Variants in DPP6 observed in about 807,000 individuals in gnomAD.
The protein encoded by DPP6 is A-type potassium channel modulatory protein DPP6.
A neutral mutation model predicts 122.6 loss-of-function variants in DPP6; 69 were observed. That is an observed-to-expected ratio of 0.56 (90% CI 0.46 to 0.69). DPP6 has a LOEUF of 0.69. Ranked by LOEUF, DPP6 falls within the 30% of genes least tolerant of loss-of-function variation. The pLI is 0.00. For missense variants in DPP6, 928 were observed against 1,116.9 expected (o/e 0.83, Z 2.41); for synonymous variants, 418 against 433.1 (o/e 0.97, Z 0.43).
intron 7 of DPP6, among the ~76,000 whole-genome samples, chr7:154,698,807 G>A (rs926449762): frequency 1.3e-5 from 2 of 152,200 alleles, no homozygotes; most frequent in East Asian, 1.9e-4. Context: ...AGTCTCAGGC[G>A]TAGCGGAGCC....
intron 1 of DPP6, among the ~76,000 whole-genome samples, chr7:154,022,328 C>T (rs1477104931): frequency 6.6e-6 from 1 of 152,090 alleles, no homozygotes; most frequent in Non-Finnish European, 1.5e-5. Context: ...ACATTGAGGA[C>T]CCAAGCAACA....
intron 1 of DPP6, among the ~76,000 whole-genome samples, chr7:153,910,775 C>T (rs1181619983): frequency 1.3e-5 from 2 of 152,292 alleles, no homozygotes; most frequent in Non-Finnish European, 1.5e-5. Context: ...CTGAAGCTTG[C>T]AGCGACCTTT....
intron 1 of DPP6, among the ~76,000 whole-genome samples, chr7:154,043,301 G>A (rs1057403414): frequency 6.8e-6 from 1 of 147,898 alleles, no homozygotes; most frequent in African/African-American, 2.5e-5. Flanking sequence ...TCTGAGGCAG[G>A]AGAATCACTT....
At chr7:154,576,467 C>T (rs1053525815) in intron 5 of DPP6, among the ~76,000 whole-genome samples, 13 of 152,150 alleles carry the variant, frequency 8.5e-5, no homozygotes, top group African/African-American at 3.1e-4. Flanking sequence ...ACACACATGC[C>T]TTTTGTAGTA....
intron 7 of DPP6, among the ~76,000 whole-genome samples, chr7:154,688,109 G>T (rs1839730075): frequency 6.6e-6 from 1 of 152,180 alleles, no homozygotes; most frequent in Non-Finnish European, 1.5e-5. Context: ...AGTCACCTGG[G>T]CATGCTGCTC....
chr7:154,216,333 C>T (rs563497705), intron 1 of DPP6, among the ~76,000 whole-genome samples: 43 of 152,314 alleles, frequency 2.8e-4, no homozygotes, highest in Non-Finnish European at 5.0e-4. Flanking sequence ...ACTAAATACC[C>T]TCTGGAAAAG....
At chr7:154,553,343 G>A (rs1419928199) in intron 4 of DPP6, among the ~76,000 whole-genome samples, 2 of 152,146 alleles carry the variant, frequency 1.3e-5, no homozygotes, top group Non-Finnish European at 2.9e-5. Context: ...TGGGTGGAGA[G>A]ATGTCAAATT....
At chr7:154,883,618 A>C (rs1805694123) in intron 21 of DPP6, 1 of 121,850 alleles carries the variant, frequency 8.2e-6, no homozygotes, top group African/African-American at 3.0e-5. Context: ...ACCCATAAAC[A>C]TGCTCACACA....
Position 153,951,322 on chromosome 7 carries a change from G to A in DPP6, c.51+63588G>A, listed in dbSNP as rs573954016. On this transcript the variant is annotated intron_variant, in intron 1 of 25. Transcript: ENST00000404039. ...GCATCTGGACGCAAAGCAAGGGGGA[G>A]AGTGAGGGAGAATATCTGACCTGCT... is the stretch of plus-strand genomic sequence containing the variant. Among the ~76,000 whole-genome samples the A allele has an allele frequency of 2.6e-5, 4 of 152,324 alleles. No individual in the cohort carries two copies. The South Asian group carries it at 8.3e-4, about 32-fold the overall frequency.
chr7:154,751,402 C>G (rs770452376), intron 8 of DPP6, among the ~76,000 whole-genome samples: 1 of 151,628 alleles, frequency 6.6e-6, no homozygotes, highest in Non-Finnish European at 1.5e-5. Flanking sequence ...GAGTTCGAGA[C>G]CAGCCTGGCC....
At chr7:154,399,048 A>G (rs993605665) in intron 1 of DPP6, among the ~76,000 whole-genome samples, 1 of 152,180 alleles carries the variant, frequency 6.6e-6, no homozygotes, top group African/African-American at 2.4e-5. Flanking sequence ...ATAATTCACA[A>G]TGAATAGCAT....
At chr7:154,374,068 G>A (rs1239244357) in intron 1 of DPP6, among the ~76,000 whole-genome samples, 1 of 152,214 alleles carries the variant, frequency 6.6e-6, no homozygotes, top group East Asian at 1.9e-4. Flanking sequence ...AGGAGGCTGT[G>A]CTTCCAGAAA....
At chr7:154,093,616 C>CACACACACACCAT (rs1554460845) in intron 1 of DPP6, 2 of 141,560 alleles carry the variant, frequency 1.4e-5, no homozygotes, top group African/African-American at 5.5e-5. Flanking sequence ...ACACCATACA[C>CACACACACACCAT]ACACACACAC....
intron 5 of DPP6, among the ~76,000 whole-genome samples, chr7:154,575,677 TGTGTGTG>T (rs1831615586): frequency 6.8e-6 from 1 of 146,750 alleles, no homozygotes; most frequent in South Asian, 2.2e-4. Context: ...ATGTGTGTGG[TGTGTGTG>T]GTGTGTGTAT....
intron 1 of DPP6, among the ~76,000 whole-genome samples, chr7:154,014,209 T>G (rs1418961905): frequency 1.3e-5 from 2 of 149,056 alleles, no homozygotes; most frequent in Non-Finnish European, 3.0e-5. Context: ...AATTTCTGAC[T>G]GAGCCCAAAA....
chr7:154,691,921 C>T (rs763761892), intron 7 of DPP6, among the ~76,000 whole-genome samples: 3 of 152,052 alleles, frequency 2.0e-5, no homozygotes, highest in Admixed American at 6.5e-5. Flanking sequence ...TTTAACCAGC[C>T]TTGGGAAGTG....
At chr7:153,901,356 G>C (rs994247334) in intron 1 of DPP6, among the ~76,000 whole-genome samples, 9 of 152,196 alleles carry the variant, frequency 5.9e-5, no homozygotes, top group African/African-American at 2.2e-4. Context: ...CCAAGTTTAA[G>C]AGATGAAGAA....
chr7:154,114,223 A>G (rs1242024648), intron 1 of DPP6, among the ~76,000 whole-genome samples: 2 of 151,894 alleles, frequency 1.3e-5, no homozygotes, highest in Admixed American at 6.6e-5. Flanking sequence ...CTCAGCAAAC[A>G]TCAGACAATT....
intron 8 of DPP6, among the ~76,000 whole-genome samples, chr7:154,736,776 A>G: frequency 6.6e-6 from 1 of 152,272 alleles, no homozygotes; most frequent in East Asian, 1.9e-4. Context: ...CTCTCTGAGT[A>G]CTTAATAAAT....
Sources: allele counts gnomAD v4.1 joint callset (sites outside exome capture counted in the v4.1 genomes callset), GRCh38; gene constraint gnomAD v4.1.1; transcripts MANE v1.5; gene names NCBI Gene and HGNC (gene_info 2026-07-23, HGNC 2026-07-21).